Variants in DOCK10 observed in about 807,000 individuals in gnomAD.
The protein encoded by DOCK10 is dedicator of cytokinesis protein 10.
A neutral mutation model predicts 280.1 loss-of-function variants in DOCK10; 145 were observed. The observed-to-expected ratio is 0.52, with a 90% CI of 0.45 to 0.59. DOCK10 has a LOEUF of 0.59. Ranked by LOEUF, DOCK10 falls within the 20% of genes least tolerant of loss-of-function variation. The probability of loss-of-function intolerance (pLI) is 0.00; values close to 1 mark genes in which losing one functional copy is unlikely to be tolerated. For missense variants in DOCK10, 2,368 were observed against 2,651.7 expected, an observed-to-expected ratio of 0.89 and a Z score of 2.35; for synonymous variants, 915 against 942.2, an observed-to-expected ratio of 0.97 and a Z score of 0.53.
intron 50 of DOCK10, among the ~76,000 whole-genome samples, chr2:224,781,630 GA>G (rs1254687909): frequency 6.6e-6 from 1 of 152,208 alleles, no homozygotes; most frequent in African/African-American, 2.4e-5. Context: ...GTTATAAGCT[GA>G]CTGCATTTCA....
At chr2:224,921,112 A>AAAAATATATATATATATATAT in intron 2 of DOCK10, among the ~76,000 whole-genome samples, 10 of 54,410 alleles carry the variant, frequency 1.8e-4, no homozygotes, top group African/African-American at 4.7e-4. Flanking sequence ...AAAAAAAAAA[A>AAAAATATATATATATATATAT]ATATATATAT....
chr2:224,982,273 T>G, intron 1 of DOCK10: 1 of 1,232,030 alleles, frequency 8.1e-7, no homozygotes, highest in South Asian at 4.1e-5. Flanking sequence ...TTTCGTGGGA[T>G]GGTTCCTCTT....
At chr2:224,767,416 G>A in intron 55 of DOCK10, among the ~76,000 whole-genome samples, 1 of 151,998 alleles carries the variant, frequency 6.6e-6, no homozygotes, top group Non-Finnish European at 1.5e-5. Flanking sequence ...TGCCCACCTC[G>A]GCCTCCCAAA....
intron 1 of DOCK10, among the ~76,000 whole-genome samples, chr2:224,950,593 G>A (rs1368799423): frequency 6.6e-6 from 1 of 152,084 alleles, no homozygotes; most frequent in Non-Finnish European, 1.5e-5. Context: ...TATGAGTGAG[G>A]GAAAAAGGGT....
chr2:224,858,315 T>G (rs776280715), intron 14 of DOCK10, among the ~76,000 whole-genome samples: 1 of 152,138 alleles, frequency 6.6e-6, no homozygotes, highest in African/African-American at 2.4e-5. Context: ...TACAGCACCA[T>G]GGGAGAAGTT....
At chr2:224,986,946 AC>A (rs968046410) in intron 1 of DOCK10, among the ~76,000 whole-genome samples, 2 of 151,884 alleles carry the variant, frequency 1.3e-5, no homozygotes, top group African/African-American at 4.8e-5. Flanking sequence ...GGTTGAATTA[AC>A]CCCCGCCTTC....
intron 1 of DOCK10, among the ~76,000 whole-genome samples, chr2:225,022,967 G>A (rs1344082644): frequency 6.6e-6 from 1 of 152,160 alleles, no homozygotes; most frequent in Non-Finnish European, 1.5e-5. Flanking sequence ...TACCAACATA[G>A]TTTGGAGGAG....
chr2:224,869,764 T>C (rs536989453), intron 11 of DOCK10, among the ~76,000 whole-genome samples: 1 of 152,264 alleles, frequency 6.6e-6, no homozygotes, highest in Non-Finnish European at 1.5e-5. Flanking sequence ...CCTGGGGAGA[T>C]TGGCCCAAAT....
chr2:224,888,835 T>C (rs1361101553), intron 4 of DOCK10, among the ~76,000 whole-genome samples: 3 of 151,170 alleles, frequency 2.0e-5, no homozygotes, highest in Middle Eastern at 3.5e-3. Flanking sequence ...TGTGTGAATA[T>C]GTATGTGTGA....
Position 224,839,931 on chromosome 2 carries a change from T to A in DOCK10, c.2780+23A>T, listed in dbSNP as rs1233092224. On this transcript the variant is annotated intron_variant, in intron 24 of 55. Transcript: ENST00000258390. ...TAACTACACATTATAAAGTCTCTCC[T>A]CTTAAGGTTGTGTTATGGATACCTG... The A allele has an allele frequency of 4.5e-6, 5 of 1,107,218 alleles. No homozygotes were observed. The South Asian group carries it at 7.3e-5, about 16-fold the overall frequency. 68.6% of individuals were successfully genotyped at this position (1,107,218 alleles called of 1,614,324 possible). A position where few individuals can be genotyped will look rare whatever the true frequency, so the allele number is the denominator to read the frequency against.
At chr2:224,930,448 T>C (rs939781768) in intron 2 of DOCK10, among the ~76,000 whole-genome samples, 4 of 152,152 alleles carry the variant, frequency 2.6e-5, no homozygotes, top group East Asian at 1.9e-4. Flanking sequence ...TTGAAAAACA[T>C]TGGAAGAGTT....
intron 1 of DOCK10, among the ~76,000 whole-genome samples, chr2:225,011,451 T>TA (rs1273096376): frequency 6.6e-6 from 1 of 152,178 alleles, no homozygotes; most frequent in Non-Finnish European, 1.5e-5. Context: ...AATTAACTCT[T>TA]AGAGTGTTGA....
Position 224,916,677 on chromosome 2 carries a change from T to G in DOCK10, c.333+18A>C, listed in dbSNP as rs774511319. The G allele has an allele frequency of 1.3e-6, 2 of 1,577,936 alleles. No individual in the cohort carries two copies. The highest frequency in any genetic ancestry group is 1.7e-6 in the Non-Finnish European group (2 of 1,154,360). ...AAGCAAAAGCCTTAAAATAAAGCAT[T>G]GGAAGCATCACATTTACCTCCTTAA... is the stretch of plus-strand genomic sequence containing the variant. On this transcript the variant is annotated intron_variant, in intron 3 of 55. Transcript: ENST00000258390.
At chr2:224,839,284 G>A (rs926963209) in intron 24 of DOCK10, among the ~76,000 whole-genome samples, 1 of 144,962 alleles carries the variant, frequency 6.9e-6, no homozygotes, top group Admixed American at 6.8e-5. Context: ...TAGTAGAGTT[G>A]GGGTTTCACC....
chr2:225,037,409 G>A (rs1455237761), intron 1 of DOCK10, among the ~76,000 whole-genome samples: 1 of 152,104 alleles, frequency 6.6e-6, no homozygotes, highest in East Asian at 1.9e-4. Context: ...CTAATCCTTA[G>A]GTAGAACTGC....
At chr2:224,991,692 A>G (rs1706130157) in intron 1 of DOCK10, among the ~76,000 whole-genome samples, 1 of 152,174 alleles carries the variant, frequency 6.6e-6, no homozygotes, top group African/African-American at 2.4e-5. Context: ...TGCATGGCTG[A>G]GTCAGGCTAA....
intron 1 of DOCK10, among the ~76,000 whole-genome samples, chr2:224,987,933 T>C (rs1706014101): frequency 6.6e-6 from 1 of 152,186 alleles, no homozygotes; most frequent in Non-Finnish European, 1.5e-5. Context: ...GCCTGACTCA[T>C]ACGAGTCACC....
intron 1 of DOCK10, among the ~76,000 whole-genome samples, chr2:225,031,321 A>G (rs545410107): frequency 6.6e-6 from 1 of 152,352 alleles, no homozygotes; most frequent in South Asian, 2.1e-4. Flanking sequence ...ACATCTGTTC[A>G]GAAATGGACT....
intron 3 of DOCK10, among the ~76,000 whole-genome samples, chr2:224,897,931 T>C (rs377172903): frequency 8.5e-5 from 13 of 152,168 alleles, no homozygotes; most frequent in African/African-American, 3.1e-4. Context: ...TAAAATTACA[T>C]GATTCTGGGG....
Sources: gnomAD v4.1 joint callset for allele counts (sites outside exome capture counted in the v4.1 genomes callset) on GRCh38, gnomAD v4.1.1 for gene constraint, MANE v1.5 for transcripts, NCBI Gene and HGNC (gene_info 2026-07-23, HGNC 2026-07-21) for gene names.